The following FOCAD variants were observed in gnomAD, a reference collection of about 807,000 sequenced individuals.
The protein encoded by FOCAD is focadhesin.
Under a neutral mutation model 225.6 loss-of-function variants are expected in FOCAD, and 198 were observed. The observed-to-expected ratio is 0.88, with a 90% CI of 0.78 to 0.99. The LOEUF (loss-of-function observed/expected upper bound fraction) is 0.99. Ranked by LOEUF, FOCAD falls within the 50% of genes least tolerant of loss-of-function variation. FOCAD has a pLI of 0.00. For missense variants in FOCAD, 2,713 were observed against 2,123.6 expected (o/e 1.28, Z -5.46); for synonymous variants, 897 against 755.0 (o/e 1.19, Z -3.08).
intron 2 of FOCAD, among the ~76,000 whole-genome samples, chr9:20,660,428 A>C (rs1287204437): frequency 6.6e-6 from 1 of 152,208 alleles, no homozygotes; most frequent in Non-Finnish European, 1.5e-5. Flanking sequence ...GTTTTAGGGC[A>C]TGTATCTTGA....
chr9:20,717,260 C>T (rs1406013010), intron 2 of FOCAD, among the ~76,000 whole-genome samples: 1 of 152,146 alleles, frequency 6.6e-6, no homozygotes, highest in East Asian at 1.9e-4. Flanking sequence ...GACAGTTATT[C>T]ACAGCTATAC....
At chr9:20,729,213 G>C (rs1826459594) in intron 4 of FOCAD, among the ~76,000 whole-genome samples, 1 of 152,178 alleles carries the variant, frequency 6.6e-6, no homozygotes, top group Admixed American at 6.5e-5. Flanking sequence ...CAAGGTGTCA[G>C]CAGGACTGAT....
intron 8 of FOCAD, among the ~76,000 whole-genome samples, chr9:20,773,598 T>C (rs781568436): frequency 5.9e-5 from 9 of 152,202 alleles, no homozygotes; most frequent in South Asian, 2.1e-4. Flanking sequence ...ACCTCCTTTT[T>C]CCCCTGACTA....
chr9:20,794,326 A>G (rs1269492504), intron 11 of FOCAD, among the ~76,000 whole-genome samples: 2 of 152,216 alleles, frequency 1.3e-5, no homozygotes, highest in African/African-American at 4.8e-5. Flanking sequence ...GAGATTTGAG[A>G]AATTAAAAAT....
intron 35 of FOCAD, among the ~76,000 whole-genome samples, chr9:20,970,697 A>G (rs1425684345): frequency 1.3e-5 from 2 of 152,034 alleles, no homozygotes; most frequent in South Asian, 2.1e-4. Context: ...CTCCTCTGGG[A>G]CATTTTCTGT....
intron 19 of FOCAD, among the ~76,000 whole-genome samples, chr9:20,877,105 A>G (rs1340910961): frequency 6.6e-6 from 1 of 152,146 alleles, no homozygotes; most frequent in Non-Finnish European, 1.5e-5. Flanking sequence ...GAAAATTGAC[A>G]TTGGCACAAT....
intron 25 of FOCAD, among the ~76,000 whole-genome samples, chr9:20,925,576 C>G (rs1458752050): frequency 6.6e-6 from 1 of 152,188 alleles, no homozygotes; most frequent in Non-Finnish European, 1.5e-5. Context: ...TGACCACCAA[C>G]AAAAGATTTG....
chr9:20,748,089 C>G (rs1463078544), intron 5 of FOCAD, among the ~76,000 whole-genome samples: 1 of 151,872 alleles, frequency 6.6e-6, no homozygotes, highest in Non-Finnish European at 1.5e-5. Flanking sequence ...AATATATTAC[C>G]TGAAGGGATC....
At chr9:20,728,982 G>A in intron 4 of FOCAD, among the ~76,000 whole-genome samples, 1 of 152,100 alleles carries the variant, frequency 6.6e-6, no homozygotes, top group East Asian at 1.9e-4. Context: ...GGCACCACCT[G>A]CCCCTGGCTT....
chr9:20,804,920 T>A (rs1822251892), intron 11 of FOCAD, among the ~76,000 whole-genome samples: 1 of 152,132 alleles, frequency 6.6e-6, no homozygotes, highest in South Asian at 2.1e-4. Flanking sequence ...CTTAAAAAAA[T>A]TTACCTAATT....
At chr9:20,749,726 G>C (rs1198992454) in intron 5 of FOCAD, among the ~76,000 whole-genome samples, 1 of 152,168 alleles carries the variant, frequency 6.6e-6, no homozygotes, top group East Asian at 1.9e-4. Flanking sequence ...ATCTGTGTCT[G>C]TCGCTGAATT....
At chr9:20,964,423 G>T (rs1587733600) in intron 35 of FOCAD, among the ~76,000 whole-genome samples, 1 of 152,148 alleles carries the variant, frequency 6.6e-6, no homozygotes, top group East Asian at 1.9e-4. Flanking sequence ...TAATAGCAAT[G>T]ATTAACTCTC....
chr9:20,943,215 G>A (rs1836842703), intron 28 of FOCAD, among the ~76,000 whole-genome samples: 2 of 152,204 alleles, frequency 1.3e-5, no homozygotes, highest in Admixed American at 1.3e-4. Flanking sequence ...TTAACTGGTT[G>A]AAAATGCATT....
At chr9:20,910,248 T>C (rs1163795733) in intron 22 of FOCAD, among the ~76,000 whole-genome samples, 1 of 152,086 alleles carries the variant, frequency 6.6e-6, no homozygotes, top group East Asian at 1.9e-4. Flanking sequence ...CTGCAGTCTT[T>C]ATCTTGTTAC....
intron 19 of FOCAD, among the ~76,000 whole-genome samples, chr9:20,877,866 C>A (rs752347664): frequency 1.3e-5 from 2 of 152,044 alleles, no homozygotes; most frequent in Non-Finnish European, 2.9e-5. Flanking sequence ...CAACATTGCA[C>A]CACTGCACTC....
At chr9:20,871,922 T>TAA (rs11390998) in intron 18 of FOCAD, among the ~76,000 whole-genome samples, 4 of 147,288 alleles carry the variant, frequency 2.7e-5, no homozygotes, top group South Asian at 2.1e-4. Context: ...AATAATAAAA[T>TAA]AAAAAAAATT....
chr9:20,740,805 A>G (rs563932476), intron 5 of FOCAD, among the ~76,000 whole-genome samples: 2 of 152,316 alleles, frequency 1.3e-5, no homozygotes, highest in South Asian at 4.1e-4. Flanking sequence ...TTTCTTTGTC[A>G]TCTGTAGAAT....
At chr9:20,669,993 T>G (rs1822011750) in intron 2 of FOCAD, among the ~76,000 whole-genome samples, 1 of 152,168 alleles carries the variant, frequency 6.6e-6, no homozygotes, top group Admixed American at 6.5e-5. Context: ...GAAAAAGTAT[T>G]AGAAAATAAA....
chr9:20,731,420 C>G (rs979429645), intron 4 of FOCAD, among the ~76,000 whole-genome samples: 2 of 152,042 alleles, frequency 1.3e-5, no homozygotes, highest in Admixed American at 6.6e-5. Context: ...AGAAACACAA[C>G]CAGTAATAGC....
Sources: allele counts gnomAD v4.1 joint callset (sites outside exome capture counted in the v4.1 genomes callset), GRCh38; gene constraint gnomAD v4.1.1; transcripts MANE v1.5; gene names NCBI Gene and HGNC (gene_info 2026-07-23, HGNC 2026-07-21).